The following ZNF804A variants were observed in gnomAD, a reference collection of about 807,000 sequenced individuals.
The protein encoded by ZNF804A is zinc finger protein 804A.
ZNF804A carries 2 observed loss-of-function variants against 16.5 expected under a neutral mutation model. The ratio of observed to expected loss-of-function variants is 0.12; its 90% CI spans 0.05 to 0.38. ZNF804A has a LOEUF of 0.38. ZNF804A is among the 10% of genes least tolerant of loss of function. The probability of loss-of-function intolerance (pLI) is 0.99; values close to 1 mark genes in which losing one functional copy is unlikely to be tolerated. For synonymous variants in ZNF804A, 534 were observed against 489.6 expected (o/e 1.09, Z -1.20); for missense variants, 1,473 against 1,390.7 (o/e 1.06, Z -0.94).
intron 1 of ZNF804A, among the ~76,000 whole-genome samples, chr2:184,748,346 T>G (rs1693825711): frequency 6.6e-6 from 1 of 151,574 alleles, no homozygotes; most frequent in African/African-American, 2.4e-5. Context: ...GGTTTCTCAT[T>G]GGGATCTTAA....
intron 1 of ZNF804A, among the ~76,000 whole-genome samples, chr2:184,788,000 T>C (rs2105777254): frequency 6.6e-6 from 1 of 152,084 alleles, no homozygotes; most frequent in East Asian, 1.9e-4. Flanking sequence ...CTTTAATCCT[T>C]CTTGAATTAA....
chr2:184,886,241 T>A (rs777460176), intron 2 of ZNF804A, among the ~76,000 whole-genome samples: 8 of 152,146 alleles, frequency 5.3e-5, no homozygotes, highest in Non-Finnish European at 1.0e-4. Flanking sequence ...TCCAAAATGA[T>A]CTCCTTTGAC....
At chr2:184,836,829 G>C (rs949842769) in intron 1 of ZNF804A, among the ~76,000 whole-genome samples, 2 of 151,468 alleles carry the variant, frequency 1.3e-5, no homozygotes, top group Admixed American at 6.6e-5. Flanking sequence ...TCTCCTTAGC[G>C]TGCCATATGC....
At chr2:184,773,199 G>A (rs1235916600) in intron 1 of ZNF804A, among the ~76,000 whole-genome samples, 2 of 151,346 alleles carry the variant, frequency 1.3e-5, no homozygotes, top group Non-Finnish European at 2.9e-5. Context: ...CAGAGAAATA[G>A]AAAAATACCA....
At chr2:184,736,650 C>G (rs1412623486) in intron 1 of ZNF804A, among the ~76,000 whole-genome samples, 1 of 151,838 alleles carries the variant, frequency 6.6e-6, no homozygotes, top group Non-Finnish European at 1.5e-5. Flanking sequence ...CCACGGCACA[C>G]GTATACCTAT....
chr2:184,898,020 GC>G (rs1021002595), intron 2 of ZNF804A, among the ~76,000 whole-genome samples: 12 of 152,084 alleles, frequency 7.9e-5, no homozygotes, highest in Admixed American at 3.9e-4. Flanking sequence ...AGCTAAGACA[GC>G]TTTTTATTTT....
intron 1 of ZNF804A, among the ~76,000 whole-genome samples, chr2:184,640,124 T>C (rs1279735269): frequency 6.6e-6 from 1 of 151,888 alleles, no homozygotes; most frequent in Non-Finnish European, 1.5e-5. Context: ...TGTGTAAAAA[T>C]ACTGATGAAT....
chr2:184,838,789 C>T (rs1032044185), intron 1 of ZNF804A, among the ~76,000 whole-genome samples: 3 of 151,950 alleles, frequency 2.0e-5, no homozygotes, highest in South Asian at 4.2e-4. Flanking sequence ...ATTATCTATA[C>T]TATAGAAAAA....
At chr2:184,781,819 A>C (rs1694376353) in intron 1 of ZNF804A, among the ~76,000 whole-genome samples, 1 of 151,892 alleles carries the variant, frequency 6.6e-6, no homozygotes, top group Admixed American at 6.6e-5. Context: ...TACATGAAAG[A>C]GTTTGCATTA....
intron 1 of ZNF804A, among the ~76,000 whole-genome samples, chr2:184,623,836 C>T (rs145554739): frequency 6.6e-6 from 1 of 152,104 alleles, no homozygotes; most frequent in South Asian, 2.1e-4. Flanking sequence ...TAATGAAGTT[C>T]GTTTGATTGC....
chr2:184,823,221 A>C (rs1020012804), intron 1 of ZNF804A, among the ~76,000 whole-genome samples: 1 of 152,052 alleles, frequency 6.6e-6, no homozygotes, highest in African/African-American at 2.4e-5. Flanking sequence ...AAGGGAGGGA[A>C]AGGCAGAAAG....
At position 184,938,827 on chromosome 2, in the gene ZNF804A, C is replaced by T. The variant is rs1177354839; in HGVS notation, c.3431C>T (p.Pro1144Leu). The change falls in exon 4 of 4, where the codon CCT (proline) becomes CTT (leucine). Residue 1144 changes from proline to leucine, a missense_variant. By Grantham distance (98) the Pro-to-Leu change is moderately conservative (BLOSUM62 -3). Transcript: ENST00000302277. Reference sequence around the variant, plus strand: ...CCAGCTCTCACCAGAACCTCATTACCTCAGCTCTCAGTAGGACCAGTAGGA... The same window carrying T: ...CCAGCTCTCACCAGAACCTCATTACTTCAGCTCTCAGTAGGACCAGTAGGA... Reference protein sequence around the residue: ...QIPALTRTSLPQLSVGPVGPR... With the variant: ...QIPALTRTSLLQLSVGPVGPR... 1 of 1,613,870 alleles carries T rather than the reference C, an allele frequency of 6.2e-7. No homozygotes were observed. Among genetic ancestry groups the T allele is most frequent in the African/African-American group, 1.3e-5 (1 of 74,870 alleles).
intron 1 of ZNF804A, among the ~76,000 whole-genome samples, chr2:184,760,022 G>T (rs1401765851): frequency 6.6e-6 from 1 of 152,056 alleles, no homozygotes; most frequent in Admixed American, 6.6e-5. Flanking sequence ...AACTCGCTGA[G>T]TCCGCCCTTA....
chr2:184,937,446 T>G lies in ZNF804A; in HGVS notation c.2050T>G (p.Tyr684Asp). The G allele has an allele frequency of 6.2e-7, 1 of 1,611,376 alleles. No individual in the cohort carries two copies. The highest frequency in any genetic ancestry group is 8.5e-7 in the Non-Finnish European group (1 of 1,179,102). The change falls in exon 4 of 4, where the codon TAT (tyrosine) becomes GAT (aspartate). Residue 684 changes from tyrosine (Y) to aspartate (D), a missense_variant. Tyr to Asp is a radical substitution (Grantham distance 160, BLOSUM62 -3). Transcript: ENST00000302277. ...AACATGGAATACTGAATACAACACT[T>G]ATGATACTATCAGTTCTAAAAACCA... ...CKTWNTEYNT[Y>D]DTISSKNHCK...
intron 1 of ZNF804A, among the ~76,000 whole-genome samples, chr2:184,610,988 A>G (rs776408861): frequency 2.0e-5 from 3 of 152,182 alleles, no homozygotes; most frequent in Non-Finnish European, 2.9e-5. Flanking sequence ...TTGAGCTGTT[A>G]TAACAAAATA....
intron 1 of ZNF804A, among the ~76,000 whole-genome samples, chr2:184,729,894 T>C (rs1693484358): frequency 6.6e-6 from 1 of 152,114 alleles, no homozygotes; most frequent in Admixed American, 6.6e-5. Flanking sequence ...CATTGAATAT[T>C]ATCCTTAGCT....
In ZNF804A at chr2:184,939,017, T is replaced by C. The variant is rs1259564413; in HGVS notation, c.3621T>C (p.Pro1207=). Residue 1207 remains proline (P), a synonymous_variant, in exon 4 of 4, where the codon CCT becomes CCC. Transcript: ENST00000302277. ...SPHPTVIPLQ[P]LF is the part of the protein sequence containing the mutation. The stretch of plus-strand genomic sequence containing the variant: ...ACCCTACTGTCATCCCTTTGCAACC[T>C]CTCTTCTAGTCATCACCATAATGGG... The C allele has an allele frequency of 6.2e-7, 1 of 1,612,904 alleles. No homozygotes were observed. The highest frequency in any genetic ancestry group is 8.5e-7 in the Non-Finnish European group (1 of 1,179,242).
chr2:184,844,798 A>G (rs372194002), intron 1 of ZNF804A, among the ~76,000 whole-genome samples: 55 of 151,558 alleles, frequency 3.6e-4, no homozygotes, highest in African/African-American at 1.3e-3. Context: ...TACTTCATCT[A>G]TTTCTTCTAC....
At position 184,823,623 on chromosome 2, in the gene ZNF804A, TA is replaced by T. The variant is rs1434422065; in HGVS notation, c.112-42745del. The stretch of plus-strand genomic sequence containing the variant: ...ATATGCCATTAATGTGTGATATACG[TA>T]TTTTTTTATTGGATATACAGCTTTA... On this transcript the variant is annotated intron_variant, in intron 1 of 3. Transcript: ENST00000302277. Among the ~76,000 whole-genome samples the T allele has an allele frequency of 4.6e-5, 7 of 152,260 alleles. No homozygotes were observed. The East Asian group carries it at 9.7e-4, about 21-fold the overall frequency.
Sources: gnomAD v4.1 joint callset for allele counts (sites outside exome capture counted in the v4.1 genomes callset) on GRCh38, gnomAD v4.1.1 for gene constraint, MANE v1.5 for transcripts, NCBI Gene and HGNC (gene_info 2026-07-23, HGNC 2026-07-21) for gene names.